The following MREG variants were observed in gnomAD, a reference collection of about 807,000 sequenced individuals.
MREG encodes the protein dilute suppressor protein homolog.
MREG carries 31 observed loss-of-function variants against 28.5 expected under a neutral mutation model. The ratio of observed to expected loss-of-function variants is 1.09; its 90% CI spans 0.82 to 1.47. The LOEUF (loss-of-function observed/expected upper bound fraction) is 1.47. MREG is among the 40% of genes most tolerant of loss of function. MREG has a pLI of 0.00. For synonymous variants in MREG, 106 were observed against 95.2 expected, an observed-to-expected ratio of 1.11 and a Z score of -0.66; for missense variants, 256 against 257.4, an observed-to-expected ratio of 0.99 and a Z score of 0.04.
intron 1 of MREG, among the ~76,000 whole-genome samples, chr2:216,019,220 T>TA (rs1415196243): frequency 2.6e-5 from 4 of 152,184 alleles, no homozygotes; most frequent in Non-Finnish European, 5.9e-5. Flanking sequence ...TAACCAGTGT[T>TA]AGAGTCTGTT....
Position 216,022,627 on chromosome 2 carries a change from C to T in MREG, c.-68+10162G>A, listed in dbSNP as rs139322563. 2.7e-3 allele frequency among the ~76,000 whole-genome samples: 408 copies of T among 152,324 alleles called. 1 individual carries two copies. The highest frequency in any genetic ancestry group is 3.7e-3 in the Non-Finnish European group (255 of 68,024). ...AGATGCCCAGAACAGTCTCAATTCT[C>T]AGCCCCAGAGATGAGATTTGGAATT... is the stretch of plus-strand genomic sequence containing the variant. On this transcript the variant is annotated intron_variant, in intron 1 of 3. Coordinates refer to the MREG transcript ENST00000420348.
intron 3 of MREG, among the ~76,000 whole-genome samples, chr2:215,946,742 T>C (rs1339130413): frequency 2.0e-5 from 3 of 152,162 alleles, no homozygotes; most frequent in Non-Finnish European, 4.4e-5. Flanking sequence ...AAAAAGTAAA[T>C]GTTAGTGCCC....
chr2:215,957,481 T>C (rs1048990450), intron 2 of MREG, among the ~76,000 whole-genome samples: 13 of 152,060 alleles, frequency 8.5e-5, no homozygotes, highest in African/African-American at 2.9e-4. Context: ...CTCAAGGAGT[T>C]TGACGAAGGT....
At chr2:215,981,776 A>G (rs1401785015) in intron 2 of MREG, among the ~76,000 whole-genome samples, 2 of 152,198 alleles carry the variant, frequency 1.3e-5, no homozygotes, top group Non-Finnish European at 2.9e-5. Flanking sequence ...TTAAGTGACT[A>G]TGTCCCAAAC....
intron 2 of MREG, among the ~76,000 whole-genome samples, chr2:215,963,905 A>T (rs929437382): frequency 3.3e-5 from 5 of 152,238 alleles, no homozygotes; most frequent in African/African-American, 1.2e-4. Context: ...AAAAAGATAA[A>T]TACATTTGAC....
intron 2 of MREG, among the ~76,000 whole-genome samples, chr2:215,954,048 C>T (rs2105972952): frequency 6.6e-6 from 1 of 152,300 alleles, no homozygotes; most frequent in South Asian, 2.1e-4. Flanking sequence ...CAGCCCTTGT[C>T]TGTAGCCAGG....
chr2:215,939,898 TA>T (rs1692176623), downstream of MREG, among the ~76,000 whole-genome samples: 1 of 139,724 alleles, frequency 7.2e-6, no homozygotes, highest in South Asian at 2.2e-4. Flanking sequence ...AATTGCTGCA[TA>T]AAAACTACAG....
intron 2 of MREG, among the ~76,000 whole-genome samples, chr2:215,984,518 CA>C (rs375220091): frequency 0.021 from 1,455 of 67,994 alleles, 12 homozygotes; most frequent in African/African-American, 0.06. Context: ...ACCTTGTCAC[CA>C]AAAAAAAAAA....
At chr2:216,008,366 C>A (rs1044236557) in intron 1 of MREG, among the ~76,000 whole-genome samples, 2 of 151,420 alleles carry the variant, frequency 1.3e-5, no homozygotes, top group South Asian at 4.1e-4. Flanking sequence ...TTTCTATTAG[C>A]TGTTAATAAC....
intron 2 of MREG, among the ~76,000 whole-genome samples, chr2:215,976,731 T>C (rs35145949): frequency 0.18 from 26,618 of 152,088 alleles, 2,563 homozygotes; most frequent in East Asian, 0.39. Flanking sequence ...TATTCAACAT[T>C]CTTAAAGAAA....
chr2:215,951,444 A>G (rs1163699525), intron 2 of MREG, among the ~76,000 whole-genome samples: 1 of 152,232 alleles, frequency 6.6e-6, no homozygotes, highest in African/African-American at 2.4e-5. Flanking sequence ...ACTTCAATGC[A>G]ATTCTACCAG....
upstream of MREG, among the ~76,000 whole-genome samples, chr2:216,016,882 T>G (rs1349089063): frequency 2.6e-5 from 4 of 152,198 alleles, no homozygotes; most frequent in Non-Finnish European, 5.9e-5. Context: ...TTGCTAAGGA[T>G]CACATCAAAT....
Position 216,028,244 on chromosome 2 carries a change from G to T in MREG, c.-68+4545C>A, listed in dbSNP as rs1370530737. Among the ~76,000 whole-genome samples the T allele has an allele frequency of 5.3e-5, 8 of 152,124 alleles. No homozygotes were observed. In the South Asian group the frequency reaches 1.7e-3, roughly 32 times the overall value. ...CAAAATACCCAGATAGGCCGGGCAC[G>T]GTGGCTCACGCCTGTAATCCCAGCA... On this transcript the variant is annotated intron_variant, in intron 1 of 3. Transcript: ENST00000420348.
chr2:215,977,011 C>A (rs562290852), intron 2 of MREG, among the ~76,000 whole-genome samples: 2 of 152,116 alleles, frequency 1.3e-5, no homozygotes, highest in Non-Finnish European at 2.9e-5. Context: ...AATGACAGGA[C>A]CAAATTCACA....
intron 2 of MREG, among the ~76,000 whole-genome samples, chr2:215,973,462 C>T (rs1299650302): frequency 1.3e-5 from 2 of 152,188 alleles, no homozygotes; most frequent in African/African-American, 2.4e-5. Flanking sequence ...GTCCACAGTC[C>T]ACAGGCCTCT....
intron 2 of MREG, among the ~76,000 whole-genome samples, chr2:215,954,544 C>A (rs986668952): frequency 8.6e-5 from 13 of 151,110 alleles, no homozygotes; most frequent in Non-Finnish European, 1.9e-4. Flanking sequence ...AGTTATGTAA[C>A]TTGCCCCATG....
intron 2 of MREG, among the ~76,000 whole-genome samples, chr2:215,977,882 T>G (rs1037711527): frequency 2.6e-5 from 4 of 152,086 alleles, no homozygotes; most frequent in African/African-American, 9.7e-5. Flanking sequence ...TTTAAAGCAG[T>G]GAGTAGAGGG....
chr2:216,031,409 G>A (rs1286687027), intron 1 of MREG, among the ~76,000 whole-genome samples: 6 of 111,668 alleles, frequency 5.4e-5, no homozygotes, highest in East Asian at 2.7e-4. Flanking sequence ...AGGAAGAAAG[G>A]AAGAAAGGAA....
At chr2:216,010,354 C>CTCTTTTTTT (rs1404098443) in intron 1 of MREG, among the ~76,000 whole-genome samples, 2 of 94,368 alleles carry the variant, frequency 2.1e-5, no homozygotes, top group Non-Finnish European at 3.9e-5. Flanking sequence ...AAAGATTTCT[C>CTCTTTTTTT]TTTTTTTTTT....
Sources: allele counts gnomAD v4.1 joint callset (sites outside exome capture counted in the v4.1 genomes callset), GRCh38; gene constraint gnomAD v4.1.1; transcripts MANE v1.5; gene names NCBI Gene and HGNC (gene_info 2026-07-23, HGNC 2026-07-21).